Variants in ZZZ3 observed in about 807,000 individuals in gnomAD.
The protein encoded by ZZZ3 is ZZ-type zinc finger-containing protein 3.
In ZZZ3, 22 loss-of-function variants were observed where a neutral mutation model predicts 95.2. The ratio of observed to expected loss-of-function variants is 0.23; its 90% CI spans 0.17 to 0.33. ZZZ3 has a LOEUF of 0.33. ZZZ3 is among the 10% of genes least tolerant of loss of function. The pLI, the probability that ZZZ3 is intolerant of heterozygous loss-of-function variation, is 1.00. For synonymous variants in ZZZ3, 335 were observed against 358.9 expected, an observed-to-expected ratio of 0.93 and a Z score of 0.75; for missense variants, 885 against 1,066.5, an observed-to-expected ratio of 0.83 and a Z score of 2.37.
intron 5 of ZZZ3, among the ~76,000 whole-genome samples, chr1:77,605,445 A>G (rs1369679747): frequency 1.3e-5 from 2 of 152,174 alleles, no homozygotes; most frequent in African/African-American, 4.8e-5. Flanking sequence ...TTCCTAGGCA[A>G]GTTCTAGTTG....
In ZZZ3 at chr1:77,632,932, C is replaced by T; in HGVS notation, c.423G>A (p.Lys141=). 1 of 1,614,124 alleles carries T rather than the reference C, an allele frequency of 6.2e-7. No homozygotes were observed. The highest frequency in any genetic ancestry group is 8.5e-7 in the Non-Finnish European group (1 of 1,180,014). ...SEEDSPIKSD[K]ESVEQRSTVV... ...CTGTACTCCTCTGTTCTACTGACTCCTTGTCTGATTTTATAGGAGAATCTT... is the reference window on the plus strand; with the variant it reads ...CTGTACTCCTCTGTTCTACTGACTCTTTGTCTGATTTTATAGGAGAATCTT... Residue 141 remains lysine (K), a synonymous_variant, in exon 5 of 15, where the codon AAG becomes AAA. Coordinates refer to ENST00000370801, the MANE Select transcript of ZZZ3 (RefSeq NM_015534.6).
At chr1:77,681,633 T>C (rs1239885710) in intron 1 of ZZZ3, among the ~76,000 whole-genome samples, 1 of 152,108 alleles carries the variant, frequency 6.6e-6, no homozygotes, top group Non-Finnish European at 1.5e-5. Flanking sequence ...TGTACAGTGC[T>C]GAAATCCCAG....
chr1:77,598,067 G>A (rs1275866750), intron 5 of ZZZ3, among the ~76,000 whole-genome samples: 1 of 151,928 alleles, frequency 6.6e-6, no homozygotes, highest in African/African-American at 2.4e-5. Context: ...GTCGACCCTT[G>A]AGCAACAACA....
chr1:77,565,942 ATT>A, intron 14 of ZZZ3, 137 bp downstream of exon 14: 1 of 1,109,222 alleles, frequency 9.0e-7, no homozygotes, highest in South Asian at 1.7e-5. Context: ...ACAGAAAAAA[ATT>A]AATTGCCTAG....
chr1:77,619,218 G>A (rs1162408548), intron 5 of ZZZ3, among the ~76,000 whole-genome samples: 1 of 152,100 alleles, frequency 6.6e-6, no homozygotes, highest in Non-Finnish European at 1.5e-5. Context: ...AGGCAAGTTA[G>A]TAACTTCTAG....
intron 5 of ZZZ3, among the ~76,000 whole-genome samples, chr1:77,603,630 C>A (rs1457264509): frequency 6.6e-6 from 1 of 152,100 alleles, no homozygotes; most frequent in South Asian, 2.1e-4. Flanking sequence ...CATTTCCTGT[C>A]CCTAATCTAC....
chr1:77,617,850 C>A (rs943212232), intron 5 of ZZZ3, among the ~76,000 whole-genome samples: 6 of 151,664 alleles, frequency 4.0e-5, no homozygotes, highest in African/African-American at 1.5e-4. Flanking sequence ...GAGGCTGAGG[C>A]AAGAGAATCA....
intron 4 of ZZZ3, among the ~76,000 whole-genome samples, chr1:77,636,705 G>GA (rs10568853): frequency 0.017 from 1,181 of 67,606 alleles, 54 homozygotes; most frequent in African/African-American, 0.045. Flanking sequence ...GCCCTGTCTT[G>GA]AAAAAAAAAA....
chr1:77,596,590 C>T (rs1664232070), intron 5 of ZZZ3, among the ~76,000 whole-genome samples: 1 of 151,976 alleles, frequency 6.6e-6, no homozygotes, highest in African/African-American at 2.4e-5. Context: ...CTCAAACAAC[C>T]TCACTGAGGG....
chr1:77,584,598 G>T lies in ZZZ3; in HGVS notation c.1563C>A (p.Val521=). 1 of 1,612,860 alleles carries T rather than the reference G, an allele frequency of 6.2e-7. No homozygotes were observed. ...AVLEAQRSQA[V]QDLESLGRHQ... is the part of the protein sequence containing the mutation. ...GCCTGCCTAAACTTTCAAGGTCTTGGACTGCTTGAGAACGCTGAGCCTCGA... is the reference window on the plus strand; with the variant it reads ...GCCTGCCTAAACTTTCAAGGTCTTGTACTGCTTGAGAACGCTGAGCCTCGA... The change falls in exon 6 of 15, where the codon GTC becomes GTA. Residue 521 remains valine, a synonymous_variant. Transcript: ENST00000370801.
chr1:77,663,774 G>C (rs773885188), intron 1 of ZZZ3, among the ~76,000 whole-genome samples: 3 of 150,106 alleles, frequency 2.0e-5, no homozygotes, highest in Non-Finnish European at 4.4e-5. Context: ...TTGAGACGGA[G>C]TTTCGCTTTT....
intron 5 of ZZZ3, among the ~76,000 whole-genome samples, chr1:77,599,728 A>G (rs1664552850): frequency 6.6e-6 from 1 of 152,082 alleles, no homozygotes; most frequent in Admixed American, 6.6e-5. Context: ...CTAATTCAGT[A>G]ACAGAATACA....
intron 1 of ZZZ3, among the ~76,000 whole-genome samples, chr1:77,647,161 G>A (rs1387411611): frequency 2.0e-5 from 3 of 152,150 alleles, no homozygotes; most frequent in African/African-American, 7.2e-5. Flanking sequence ...TGACATATCA[G>A]TGAATAAGAA....
At chr1:77,634,768 A>G (rs1668145914) in intron 4 of ZZZ3, among the ~76,000 whole-genome samples, 1 of 152,136 alleles carries the variant, frequency 6.6e-6, no homozygotes, top group Non-Finnish European at 1.5e-5. Context: ...TGGGTAAACT[A>G]GTGATTTGGT....
intron 1 of ZZZ3, among the ~76,000 whole-genome samples, chr1:77,663,282 T>G (rs1284034284): frequency 2.6e-5 from 4 of 152,194 alleles, no homozygotes; most frequent in African/African-American, 9.7e-5. Flanking sequence ...GTATTAATGT[T>G]AAGTTTCCTA....
At chr1:77,586,496 T>G (rs1033157399) in intron 5 of ZZZ3, among the ~76,000 whole-genome samples, 2 of 152,144 alleles carry the variant, frequency 1.3e-5, no homozygotes, top group Non-Finnish European at 2.9e-5. Context: ...TTTGTTAGGT[T>G]TGGAGCAAAC....
rs1432675058 is a variant in ZZZ3 at position 77,613,659 on chromosome 1, T to C, written c.1505+18191A>G. 2.0e-5 allele frequency among the ~76,000 whole-genome samples: 3 copies of C among 152,050 alleles called. No individual in the cohort carries two copies. The East Asian group carries it at 5.8e-4, about 29-fold the overall frequency. ...AGGAGGAAATAAATTAAATTATCCA[T>C]TTATTAGAATAAAATAAAGACATCC... On this transcript the variant is annotated intron_variant, in intron 5 of 14. Coordinates refer to ENST00000370801, the MANE Select transcript of ZZZ3 (RefSeq NM_015534.6).
intron 5 of ZZZ3, among the ~76,000 whole-genome samples, chr1:77,613,891 G>A (rs1338648251): frequency 1.3e-5 from 2 of 151,676 alleles, no homozygotes; most frequent in East Asian, 1.9e-4. Context: ...AATTTCAAAG[G>A]GCCCTTAGAC....
chr1:77,600,017 T>A (rs899998789), intron 5 of ZZZ3, among the ~76,000 whole-genome samples: 1 of 152,260 alleles, frequency 6.6e-6, no homozygotes, highest in South Asian at 2.1e-4. Flanking sequence ...ATTCTTTCAA[T>A]GGCCTCTATT....
Sources: allele counts gnomAD v4.1 joint callset (sites outside exome capture counted in the v4.1 genomes callset), GRCh38; gene constraint gnomAD v4.1.1; transcripts MANE v1.5; gene names NCBI Gene and HGNC (gene_info 2026-07-23, HGNC 2026-07-21).